Variants in ABCC3 observed in about 807,000 individuals in gnomAD.
The protein encoded by ABCC3 is ATP binding cassette subfamily C member 3, also known as ATP-binding cassette sub-family C member 3.
ABCC3 carries 121 observed loss-of-function variants against 165.3 expected under a neutral mutation model. The observed-to-expected ratio is 0.73, with a 90% confidence interval of 0.63 to 0.85. The LOEUF is 0.85. Among genes scored for constraint, ABCC3 ranks in the 40% least tolerant of loss-of-function variants. ABCC3 has a pLI of 0.00. For synonymous variants in ABCC3, 733 were observed against 810.1 expected, an observed-to-expected ratio of 0.90 and a Z score of 1.62; for missense variants, 1,869 against 1,964.1, an observed-to-expected ratio of 0.95 and a Z score of 0.92.
intron 1 of ABCC3, among the ~76,000 whole-genome samples, chr17:50,654,844 G>C (rs1967189822): frequency 6.6e-6 from 1 of 151,754 alleles, no homozygotes; most frequent in Non-Finnish European, 1.5e-5. Flanking sequence ...TGTAATCCCA[G>C]CACTTTCGGA....
chr17:50,683,892 A>T (rs1466378562), intron 27 of ABCC3, 57 bp from the exon 28 acceptor site: 1 of 1,589,800 alleles, frequency 6.3e-7, no homozygotes, highest in African/African-American at 1.4e-5. Context: ...AGAGTCCTGG[A>T]GATGCGCCTT....
rs764228555 is a variant in ABCC3 at position 50,683,754 on chromosome 17, A to G, written c.3952A>G (p.Lys1318Glu). 5.0e-5 allele frequency: 81 copies of G among 1,604,202 alleles called. No homozygotes were observed. Among genetic ancestry groups the G allele is most frequent in the Non-Finnish European group, 6.8e-5 (80 of 1,176,414 alleles). The change falls in exon 27 of 31, where the codon AAG (lysine) becomes GAG (glutamate). Residue 1318 changes from lysine (K) to glutamate (E), a missense_variant and splice_region_variant. Physicochemically the swap from Lys to Glu is moderately conservative, Grantham distance 56. Coordinates refer to ENST00000285238, the MANE Select transcript of ABCC3 (RefSeq NM_003786.4). ...DLSLHVHGGEKVGIVGRTGAG... is the reference protein window; with the variant it reads ...DLSLHVHGGEEVGIVGRTGAG... ...GAGTCTGCATGTGCACGGTGGCGAG[A>G]AGGTACGCGTGGGGTAGGCGGGCCT...
Position 50,658,180 on chromosome 17 carries a change from A to G in ABCC3, c.585A>G (p.Pro195=). ...LILACFREKP[P]FFSAKNVDPN... ...TGGCCTGCTTCAGGGAGAAACCTCC[A>G]TTTTTCTCCGCAAAGAATGTCGACC... The change falls in exon 5 of 31, where the codon CCA becomes CCG. Residue 195 remains proline, a synonymous_variant. Transcript: ENST00000285238. The G allele has an allele frequency of 6.2e-7, 1 of 1,614,042 alleles. No homozygotes were observed. Among genetic ancestry groups the G allele is most frequent in the Admixed American group, 1.7e-5 (1 of 60,018 alleles).
rs140687331 is a variant in ABCC3, at chr17:50,647,946, G to T, written c.46-7886G>T. Among the ~76,000 whole-genome samples the T allele has an allele frequency of 5.4e-3, 821 of 152,282 alleles. 7 individuals are homozygous for T. Among genetic ancestry groups the T allele is most frequent in the African/African-American group, 0.017 (695 of 41,552 alleles). On this transcript the variant is annotated intron_variant, in intron 1 of 30. Transcript: ENST00000285238. ...CCCAGCTACTCGGGAGGCTGAGGCA[G>T]GAGAATCACCTGAATCCCAGAGGCG...
intron 13 of ABCC3, 101 bp from the exon 14 acceptor site, chr17:50,668,329 C>A: frequency 9.9e-7 from 1 of 1,008,628 alleles, no homozygotes; most frequent in South Asian, 1.5e-5. Context: ...TCTGGGCCCT[C>A]AGGGGGTCCT....
At chr17:50,667,784 C>T (rs1432526254) in intron 12 of ABCC3, 27 bp downstream of exon 12, 1 of 1,613,890 alleles carries the variant, frequency 6.2e-7, no homozygotes, top group African/African-American at 1.3e-5. Context: ...GGCTGGGTCC[C>T]TGCCTCCAGG....
intron 27 of ABCC3, 49 bp downstream of exon 27, chr17:50,683,805 T>G: frequency 6.3e-7 from 1 of 1,577,976 alleles, no homozygotes; most frequent in South Asian, 1.1e-5. Flanking sequence ...CCTGCAGACA[T>G]GGCCACAGCC....
At chr17:50,652,306 C>CTATCTGG (rs1372264297) in intron 1 of ABCC3, among the ~76,000 whole-genome samples, 2 of 152,200 alleles carry the variant, frequency 1.3e-5, no homozygotes, top group African/African-American at 4.8e-5. Context: ...TTATTAAAGA[C>CTATCTGG]TATCTGGATC....
In ABCC3 at chr17:50,634,999, G is replaced by A. The variant is rs1430075834; in HGVS notation, c.45+18G>A. The A allele has an allele frequency of 8.0e-7, 1 of 1,257,548 alleles. No homozygotes were observed. The highest frequency in any genetic ancestry group is 1.0e-6 in the Non-Finnish European group (1 of 999,694). 77.9% of individuals were successfully genotyped at this position (1,257,548 alleles called of 1,614,324 possible). ...AGTTCTGGGTAAGGCGCGGGGCTCC[G>A]GGGTCACTGCGCGGGGGCCAGGGTC... is the stretch of plus-strand genomic sequence containing the variant. On this transcript the variant is annotated intron_variant, in intron 1 of 30. Coordinates refer to ENST00000285238, the MANE Select transcript of ABCC3 (RefSeq NM_003786.4).
Position 50,655,975 on chromosome 17 carries a change from C to T in ABCC3, c.189C>T (p.Tyr63=), listed in dbSNP as rs757136597. The T allele has an allele frequency of 2.5e-6, 4 of 1,614,020 alleles. No individual in the cohort carries two copies. The highest frequency in any genetic ancestry group is 2.7e-5 in the African/African-American group (2 of 74,918). Reference sequence around the variant, plus strand: ...ACCTGCGGCACCATTGTCGTGGCTACATCATCCTCTCCCACCTGTCCAAGC... The same window carrying T: ...ACCTGCGGCACCATTGTCGTGGCTATATCATCCTCTCCCACCTGTCCAAGC... The part of the protein sequence containing the change: ...LLYLRHHCRG[Y]IILSHLSKLK... Residue 63 remains tyrosine, a synonymous_variant, in exon 2 of 31, where the codon TAC becomes TAT. Coordinates refer to ENST00000285238, the MANE Select transcript of ABCC3 (RefSeq NM_003786.4).
rs199762311 is a variant in ABCC3, at chr17:50,665,136, C to T, written c.1339-17C>T. 1 of 1,611,484 alleles carries T rather than the reference C, an allele frequency of 6.2e-7. No homozygotes were observed. The highest frequency in any genetic ancestry group is 1.3e-5 in the African/African-American group (1 of 74,980). ...AATCTGTCCCTATGTGTCATCTATC[C>T]ACCGGTGCCTCCTCAGAACCTAGGT... On this transcript the variant is annotated splice_polypyrimidine_tract_variant and intron_variant, in intron 10 of 30. Transcript: ENST00000285238.
chr17:50,690,942 CTTGCAAGTGTGCACATG>C (rs1336450128), intron 30 of ABCC3, 133 bp from the exon 31 acceptor site: 1 of 600,832 alleles, frequency 1.7e-6, no homozygotes, highest in Non-Finnish European at 3.0e-6. Context: ...AATAACCAGC[CTTGCAAGTGTGCACATG>C]TGGTGCGGTG....
chr17:50,690,690 C>A (rs573112430), intron 30 of ABCC3, among the ~76,000 whole-genome samples: 1 of 152,236 alleles, frequency 6.6e-6, no homozygotes, highest in Non-Finnish European at 1.5e-5. Context: ...CCAGTGTCAG[C>A]CTCGCTGCAG....
chr17:50,663,919 G>T, intron 9 of ABCC3, 31 bp from the exon 10 acceptor site: 2 of 1,614,180 alleles, frequency 1.2e-6, no homozygotes, highest in Non-Finnish European at 1.7e-6. Flanking sequence ...GAGGCTCGCA[G>T]CCAAGTCCAC....
intron 17 of ABCC3, among the ~76,000 whole-genome samples, chr17:50,670,962 C>T (rs1459939091): frequency 6.6e-6 from 1 of 152,138 alleles, no homozygotes; most frequent in Non-Finnish European, 1.5e-5. Flanking sequence ...AAAAACCACA[C>T]ATAACATAAA....
intron 26 of ABCC3, among the ~76,000 whole-genome samples, chr17:50,682,277 A>G (rs1967942219): frequency 6.6e-6 from 1 of 151,148 alleles, no homozygotes; most frequent in Admixed American, 6.6e-5. Flanking sequence ...TATGTAGCCA[A>G]TCCTATCTCA....
At chr17:50,657,987 C>T in intron 4 of ABCC3, 95 bp from the exon 5 acceptor site, 2 of 1,573,798 alleles carry the variant, frequency 1.3e-6, no homozygotes, top group Non-Finnish European at 8.7e-7. Context: ...CCTCCTGCCC[C>T]AGAGGAGACT....
chr17:50,652,102 G>C (rs945455560), intron 1 of ABCC3, among the ~76,000 whole-genome samples: 7 of 152,156 alleles, frequency 4.6e-5, no homozygotes, highest in African/African-American at 1.7e-4. Flanking sequence ...ATTTATACAA[G>C]CACTTATTTT....
In ABCC3 at chr17:50,691,469, A is replaced by C; in HGVS notation, c.*269A>C. 2.9e-6 allele frequency: 1 copy of C among 341,364 alleles called. No individual in the cohort carries two copies. Among genetic ancestry groups the C allele is most frequent in the Non-Finnish European group, 5.5e-6 (1 of 180,710 alleles). The allele number at this position is 341,364 out of a possible 1,614,324, so 21.1% of individuals were successfully genotyped here. A position where few individuals can be genotyped will look rare whatever the true frequency, so the allele number is the denominator to read the frequency against. On this transcript the variant is annotated 3_prime_UTR_variant, in exon 31 of 31. Coordinates refer to ENST00000285238, the MANE Select transcript of ABCC3 (RefSeq NM_003786.4). The stretch of plus-strand genomic sequence containing the variant: ...CGATTCCCAACTGAGTGTTATTTGC[A>C]CACTGCACTGTTTTCAAATAACGAT...
Sources: gnomAD v4.1 joint callset for allele counts (sites outside exome capture counted in the v4.1 genomes callset) on GRCh38, gnomAD v4.1.1 for gene constraint, MANE v1.5 for transcripts, NCBI Gene and HGNC (gene_info 2026-07-23, HGNC 2026-07-21) for gene names.